FBLN1: variants seen among roughly 807,000 people sequenced by gnomAD.
The protein encoded by FBLN1 is fibulin 1.
FBLN1 carries 34 observed loss-of-function variants against 89.7 expected under a neutral mutation model. That is an observed-to-expected ratio of 0.38 (90% CI 0.29 to 0.50). FBLN1 has a LOEUF of 0.50. FBLN1 is among the 20% of genes least tolerant of loss of function. The pLI, the probability that FBLN1 is intolerant of heterozygous loss-of-function variation, is 0.92. For missense variants in FBLN1, 777 were observed against 988.1 expected (o/e 0.79, Z 2.86); for synonymous variants, 393 against 391.3 (o/e 1.00, Z -0.05).
At position 45,561,954 on chromosome 22, in the gene FBLN1, G is replaced by A. The variant is rs574080417; in HGVS notation, c.1697+11339G>A. Among the ~76,000 whole-genome samples, 23 of 152,246 alleles carry A rather than the reference G, an allele frequency of 1.5e-4. No individual in the cohort carries two copies. The South Asian group carries it at 2.7e-3, about 18-fold the overall frequency. ...TTTTCTGCCTGCTTATAGTCTAGCC[G>A]TGCTGGCAGCTGATTAGATTGTGCC... On this transcript the variant is annotated intron_variant, in intron 14 of 16. Coordinates refer to ENST00000327858, the MANE Select transcript of FBLN1 (RefSeq NM_006486.3). This position sits in a 1 kb window ranked among gnomAD's most constrained non-coding sequence, Gnocchi z 4.7.
rs79513756 is a variant in FBLN1 at position 45,533,547 on chromosome 22, A to C, written c.647-214A>C. On this transcript the variant is annotated intron_variant, in intron 6 of 16. Transcript: ENST00000327858. ...GAGGACCACATAACTACAGTCTCAG[A>C]AAAAGCAGTAGATATGAACGTTAGC... Among the ~76,000 whole-genome samples the C allele has an allele frequency of 0.11, 16,628 of 152,260 alleles. 1,184 individuals are homozygous for C. Among genetic ancestry groups the C allele is most frequent in the South Asian group, 0.15 (734 of 4,826 alleles).
At chr22:45,596,687 GATA>G (rs1313589270) in intron 16 of FBLN1, among the ~76,000 whole-genome samples, 15 of 109,746 alleles carry the variant, frequency 1.4e-4, no homozygotes, top group Non-Finnish European at 1.7e-5. Flanking sequence ...AACATAATAT[GATA>G]ATTATATATT....
intron 16 of FBLN1, among the ~76,000 whole-genome samples, chr22:45,591,293 TGTGA>T (rs754067706): frequency 6.6e-6 from 1 of 152,198 alleles, no homozygotes; most frequent in Non-Finnish European, 1.5e-5. Context: ...AGACAGTCGA[TGTGA>T]GTGAGCTCTG....
At chr22:45,525,182 AG>A (rs1481030104) in intron 2 of FBLN1, among the ~76,000 whole-genome samples, 4 of 90,734 alleles carry the variant, frequency 4.4e-5, no homozygotes, top group African/African-American at 1.2e-4. Flanking sequence ...AGGGAGAAAG[AG>A]AGAGAGAGAG....
At chr22:45,525,784 C>T (rs1254034523) in intron 3 of FBLN1, 106 bp downstream of exon 3, 8 of 1,449,008 alleles carry the variant, frequency 5.5e-6, no homozygotes, top group African/African-American at 2.8e-5. Flanking sequence ...TGCCTCAGGC[C>T]ACCTTTCTTT....
intron 14 of FBLN1, among the ~76,000 whole-genome samples, chr22:45,552,417 C>T (rs1431031238): frequency 6.6e-6 from 1 of 152,186 alleles, no homozygotes; most frequent in Non-Finnish European, 1.5e-5. Context: ...CTTGGACTCC[C>T]GGGACTGATA....
chr22:45,534,651 TC>T lies in FBLN1; in HGVS notation c.785-545del, dbSNP rs564489397. ...GAGGGCCACAGAGCAAATTCTGTCC[TC>T]CCCACCCCCACACACCAGCTGGGTG... On this transcript the variant is annotated intron_variant, in intron 7 of 16. Coordinates refer to ENST00000327858, the MANE Select transcript of FBLN1 (RefSeq NM_006486.3). Among the ~76,000 whole-genome samples, 417 of 152,252 alleles carry T rather than the reference TC, an allele frequency of 2.7e-3. 1 individual carries two copies. Among genetic ancestry groups the T allele is most frequent in the Non-Finnish European group, 3.9e-3 (264 of 68,016 alleles).
At chr22:45,521,959 C>G (rs552041580) in intron 2 of FBLN1, among the ~76,000 whole-genome samples, 1 of 152,052 alleles carries the variant, frequency 6.6e-6, no homozygotes, top group East Asian at 1.9e-4. Context: ...CACTGACCAC[C>G]TGGTTTGTCT....
intron 2 of FBLN1, among the ~76,000 whole-genome samples, chr22:45,525,115 GAGAGAGAAAGAAAAAC>G (rs2088304103): frequency 7.6e-6 from 1 of 131,644 alleles, no homozygotes; most frequent in South Asian, 2.5e-4. Context: ...AAGAGAGAGA[GAGAGAGAAAGAAAAAC>G]AGAGAGAAAG....
intron 4 of FBLN1, among the ~76,000 whole-genome samples, chr22:45,529,126 G>T (rs1261706104): frequency 2.0e-5 from 3 of 152,206 alleles, no homozygotes; most frequent in Non-Finnish European, 4.4e-5. Flanking sequence ...TTGGGTGAGG[G>T]TCTGATGCTG....
In FBLN1 at chr22:45,533,697, T is replaced by C. The variant is rs105199; in HGVS notation, c.647-64T>C. The C allele has an allele frequency of 0.89, 1,421,576 of 1,592,982 alleles. 634,942 individuals carry two copies. Among genetic ancestry groups the C allele is most frequent in the East Asian group, 0.96 (42,882 of 44,804 alleles). On this transcript the variant is annotated intron_variant, in intron 6 of 16. Coordinates refer to ENST00000327858, the MANE Select transcript of FBLN1 (RefSeq NM_006486.3). ...CCACCGTGGCTTTGGCACATTCCTTTCTAGGATGTATTAGGATGGGTCGTT... is the reference window on the plus strand; with the variant it reads ...CCACCGTGGCTTTGGCACATTCCTTCCTAGGATGTATTAGGATGGGTCGTT...
At position 45,600,806 on chromosome 22, in the gene FBLN1, A is replaced by T; in HGVS notation, c.*360A>T. ...CAAAAGAAGACCAGTTCTTGCCCTGATTGTATGAAATTTGACATTTTGGCA... is the reference window on the plus strand; with the variant it reads ...CAAAAGAAGACCAGTTCTTGCCCTGTTTGTATGAAATTTGACATTTTGGCA... On this transcript the variant is annotated 3_prime_UTR_variant, in exon 17 of 17. Coordinates refer to ENST00000327858, the MANE Select transcript of FBLN1 (RefSeq NM_006486.3). 6 of 302,662 alleles carry T rather than the reference A, an allele frequency of 2.0e-5. No homozygotes were observed. Among genetic ancestry groups the T allele is most frequent in the East Asian group, 8.6e-5 (1 of 11,652 alleles). 18.7% of individuals were successfully genotyped at this position (302,662 alleles called of 1,614,324 possible).
chr22:45,569,099 G>A (rs778341670), intron 14 of FBLN1, among the ~76,000 whole-genome samples: 3 of 152,134 alleles, frequency 2.0e-5, no homozygotes, highest in Non-Finnish European at 2.9e-5. Flanking sequence ...TTCCAGTGAC[G>A]TCACATTCTG....
At chr22:45,504,663 C>T (rs764998658) in intron 1 of FBLN1, among the ~76,000 whole-genome samples, 5 of 152,110 alleles carry the variant, frequency 3.3e-5, no homozygotes, top group South Asian at 2.1e-4. Flanking sequence ...GGAGTCTCTG[C>T]GTTCCCTCTC....
In FBLN1 at chr22:45,599,144, C is replaced by T. The variant is rs142110294; in HGVS notation, c.1973-1163C>T. ...TGGGGTTGCTCCTCTTCTACCCTGC[C>T]GTGGCTGAGCTTTGTCTGTGCCCTG... On this transcript the variant is annotated intron_variant, in intron 16 of 16. Coordinates refer to ENST00000327858, the MANE Select transcript of FBLN1 (RefSeq NM_006486.3). Among the ~76,000 whole-genome samples, 51 of 152,296 alleles carry T rather than the reference C, an allele frequency of 3.3e-4. No homozygotes were observed. In the East Asian group the frequency reaches 7.7e-3, roughly 23 times the overall value.
At chr22:45,543,372 C>T in intron 10 of FBLN1, 29 bp from the exon 11 acceptor site, 2 of 1,609,196 alleles carry the variant, frequency 1.2e-6, no homozygotes, top group South Asian at 1.1e-5. Context: ...TTGGACATTG[C>T]CCTGAGTCAG....
rs1347382940 is a variant in FBLN1 at position 45,550,651 on chromosome 22, G to C, written c.1697+36G>C. On this transcript the variant is annotated intron_variant, in intron 14 of 16. Transcript: ENST00000327858. This position sits in a 1 kb window ranked among gnomAD's most constrained non-coding sequence, Gnocchi z 8.4. ...TGGACCATGCCATCGTCGTCTGTCT[G>C]TGTTGGCCTTCCTGGTGACCCAGTT... The C allele has an allele frequency of 1.2e-6, 2 of 1,613,924 alleles. No individual in the cohort carries two copies. The highest frequency in any genetic ancestry group is 3.3e-5 in the Admixed American group (2 of 60,030).
In FBLN1 at chr22:45,557,813, C is replaced by A. The variant is rs985806669; in HGVS notation, c.1697+7198C>A. Reference sequence around the variant, plus strand: ...AATCATGCTTCTTCCAAGTCCCTGACCATCCAGCCAAACCATTGGCCACAG... The same window carrying A: ...AATCATGCTTCTTCCAAGTCCCTGAACATCCAGCCAAACCATTGGCCACAG... On this transcript the variant is annotated intron_variant, in intron 14 of 16. Transcript: ENST00000327858. This position sits in a 1 kb window ranked among gnomAD's most constrained non-coding sequence, Gnocchi z 4.9. Among the ~76,000 whole-genome samples the A allele has an allele frequency of 1.3e-5, 2 of 152,212 alleles. No individual in the cohort carries two copies. Among genetic ancestry groups the A allele is most frequent in the Non-Finnish European group, 2.9e-5 (2 of 68,032 alleles).
Position 45,563,263 on chromosome 22 carries a change from C to A in FBLN1, c.1698-11248C>A. The A allele has an allele frequency of 6.2e-7, 1 of 1,613,602 alleles. No individual in the cohort carries two copies. ...TTTTCATCTTTGTGTCTGCAGAGCT[C>A]TGAGCACTCGCTTCGCGTCGCGGGG... On this transcript the variant is annotated intron_variant, in intron 14 of 16. Transcript: ENST00000327858. The surrounding 1 kb of genome is among the most constrained non-coding windows in gnomAD (Gnocchi z 5.7).
Sources: gnomAD v4.1 joint callset for allele counts (sites outside exome capture counted in the v4.1 genomes callset) on GRCh38, gnomAD v4.1.1 for gene constraint, Gnocchi (gnomAD v3.1) non-coding constraint, MANE v1.5 for transcripts, NCBI Gene and HGNC (gene_info 2026-07-23, HGNC 2026-07-21) for gene names.